The following SPEF2 variants were observed in gnomAD, a reference collection of about 807,000 sequenced individuals.
SPEF2 encodes sperm flagella and cilia-associated protein 2.
Under a neutral mutation model 224.6 loss-of-function variants are expected in SPEF2, and 187 were observed. The observed-to-expected ratio is 0.83, with a 90% CI of 0.74 to 0.94. SPEF2 has a LOEUF of 0.94. Ranked by LOEUF, SPEF2 falls within the 40% of genes least tolerant of loss-of-function variation. SPEF2 has a pLI of 0.00. For missense variants in SPEF2, 2,170 were observed against 2,135.6 expected, an observed-to-expected ratio of 1.02 and a Z score of -0.32; for synonymous variants, 715 against 707.3, an observed-to-expected ratio of 1.01 and a Z score of -0.17.
intron 21 of SPEF2, among the ~76,000 whole-genome samples, chr5:35,733,335 C>T (rs575319154): frequency 2.6e-5 from 4 of 152,218 alleles, no homozygotes; most frequent in East Asian, 1.9e-4. Context: ...AGGATGGTCG[C>T]GATCTCCTCA....
intron 21 of SPEF2, among the ~76,000 whole-genome samples, chr5:35,731,899 T>A (rs1305649411): frequency 6.6e-6 from 1 of 152,142 alleles, no homozygotes; most frequent in Non-Finnish European, 1.5e-5. Context: ...TATTACATTA[T>A]CCATGACTCA....
intron 21 of SPEF2, among the ~76,000 whole-genome samples, chr5:35,729,318 T>C (rs1745223076): frequency 6.6e-6 from 1 of 152,068 alleles, no homozygotes; most frequent in Admixed American, 6.5e-5. Context: ...AGGAAGTAGA[T>C]CCTTGGGCCT....
chr5:35,670,371 T>A, intron 10 of SPEF2, 144 bp downstream of exon 10: 1 of 1,392,542 alleles, frequency 7.2e-7, no homozygotes, highest in Non-Finnish European at 9.3e-7. Flanking sequence ...ATTTGTATGT[T>A]TGTACTACTT....
intron 8 of SPEF2, among the ~76,000 whole-genome samples, chr5:35,663,590 A>G (rs953738451): frequency 6.6e-6 from 1 of 151,902 alleles, no homozygotes; most frequent in Non-Finnish European, 1.5e-5. Flanking sequence ...CATCGTGTCC[A>G]TTTTCCTCCA....
intron 34 of SPEF2, among the ~76,000 whole-genome samples, chr5:35,803,411 T>G (rs1049154328): frequency 1.3e-5 from 2 of 152,174 alleles, no homozygotes; most frequent in African/African-American, 4.8e-5. Flanking sequence ...TCTCCTTGAG[T>G]GCTGCTCTCA....
intron 26 of SPEF2, chr5:35,764,662 G>A (rs1751850001): frequency 2.2e-6 from 1 of 456,042 alleles, no homozygotes; most frequent in Admixed American, 2.4e-5. Context: ...TTGTGAAAGT[G>A]GTAGAAGAGG....
chr5:35,785,501 TA>T lies in SPEF2; in HGVS notation c.4447+6157del, dbSNP rs1019941258. ...ATCAATATTGGAAATTAAATTTTTT[TA>T]ATTTTAATTTTAATTTTAAATTTAC... is the stretch of plus-strand genomic sequence containing the variant. On this transcript the variant is annotated intron_variant, in intron 30 of 36. Transcript: ENST00000356031. 3.2e-4 allele frequency among the ~76,000 whole-genome samples: 49 copies of T among 152,026 alleles called. 1 individual carries two copies. The highest frequency in any genetic ancestry group is 9.2e-4 in the Admixed American group (14 of 15,300).
chr5:35,763,824 C>A, intron 26 of SPEF2, 122 bp downstream of exon 26: 1 of 846,000 alleles, frequency 1.2e-6, no homozygotes, highest in South Asian at 3.4e-5. Flanking sequence ...ATTGTACCTT[C>A]GAAACATTTT....
chr5:35,705,640 T>C lies in SPEF2; in HGVS notation c.2508-11T>C. On this transcript the variant is annotated splice_polypyrimidine_tract_variant and intron_variant, in intron 17 of 36. Transcript: ENST00000356031. ...AGTATGAGATATTCATATCATATTT[T>C]GATTTTGCAGAATTATAGGCTTCTT... 1 of 1,567,904 alleles carries C rather than the reference T, an allele frequency of 6.4e-7. No homozygotes were observed. Among genetic ancestry groups the C allele is most frequent in the East Asian group, 2.3e-5 (1 of 43,846 alleles).
chr5:35,704,752 T>A, intron 17 of SPEF2, 90 bp downstream of exon 17: 1 of 780,212 alleles, frequency 1.3e-6, no homozygotes, highest in South Asian at 1.6e-5. Context: ...TAGAAGAATA[T>A]CTATTTCTTA....
intron 1 of SPEF2, 73 bp downstream of exon 1, chr5:35,618,128 A>G: frequency 2.0e-6 from 3 of 1,504,476 alleles, no homozygotes. Context: ...AGCGCAGCGC[A>G]CTCAGGGAAG....
chr5:35,671,563 T>C (rs1326000054), intron 10 of SPEF2: 19 of 965,040 alleles, frequency 2.0e-5, no homozygotes, highest in Non-Finnish European at 2.3e-5. Flanking sequence ...TAAAAGTCAT[T>C]TTATTTGACA....
At chr5:35,657,752 C>T (rs776438966) in intron 7 of SPEF2, among the ~76,000 whole-genome samples, 2 of 152,154 alleles carry the variant, frequency 1.3e-5, no homozygotes, top group Non-Finnish European at 2.9e-5. Flanking sequence ...CACAGTTTGG[C>T]TCCCACCTGG....
intron 5 of SPEF2, among the ~76,000 whole-genome samples, chr5:35,647,467 G>T (rs1747550088): frequency 6.6e-6 from 1 of 151,962 alleles, no homozygotes; most frequent in African/African-American, 2.4e-5. Context: ...GAGAGAGAAG[G>T]TGTCAGTCTC....
intron 33 of SPEF2, among the ~76,000 whole-genome samples, chr5:35,797,801 G>T (rs1480224936): frequency 6.6e-6 from 1 of 152,132 alleles, no homozygotes; most frequent in African/African-American, 2.4e-5. Context: ...GGAGAGAAAT[G>T]GACACATTAG....
At chr5:35,743,312 C>T (rs910370050) in intron 23 of SPEF2, among the ~76,000 whole-genome samples, 1 of 151,830 alleles carries the variant, frequency 6.6e-6, no homozygotes, top group African/African-American at 2.4e-5. Context: ...ACATATTAAA[C>T]TTAAAATTCA....
intron 2 of SPEF2, among the ~76,000 whole-genome samples, chr5:35,637,064 C>T (rs992090658): frequency 6.6e-6 from 1 of 151,918 alleles, no homozygotes; most frequent in Non-Finnish European, 1.5e-5. Flanking sequence ...TGTTTGTCTG[C>T]TTTGATGACT....
At chr5:35,765,375 G>T (rs1037576622) in intron 26 of SPEF2, among the ~76,000 whole-genome samples, 8 of 152,124 alleles carry the variant, frequency 5.3e-5, no homozygotes, top group Admixed American at 6.6e-5. Flanking sequence ...TTTGGTGTCG[G>T]TATGGATACT....
intron 8 of SPEF2, among the ~76,000 whole-genome samples, chr5:35,661,038 C>T (rs1488326977): frequency 3.9e-5 from 6 of 151,924 alleles, no homozygotes; most frequent in Non-Finnish European, 8.8e-5. Flanking sequence ...TTCATCCATA[C>T]ATGTTGAGTT....
Sources: allele counts gnomAD v4.1 joint callset (sites outside exome capture counted in the v4.1 genomes callset), GRCh38; gene constraint gnomAD v4.1.1; transcripts MANE v1.5; gene names NCBI Gene and HGNC (gene_info 2026-07-23, HGNC 2026-07-21).